CFAP58: variants seen among roughly 807,000 people sequenced by gnomAD.
CFAP58 encodes the protein cilia and flagella associated protein 58.
CFAP58 carries 88 observed loss-of-function variants against 119.5 expected under a neutral mutation model. That is an observed-to-expected ratio of 0.74 (90% CI 0.62 to 0.88). The LOEUF (loss-of-function observed/expected upper bound fraction) is 0.88. Ranked by LOEUF, CFAP58 falls within the 40% of genes least tolerant of loss-of-function variation. The probability of loss-of-function intolerance (pLI) is 0.00; values close to 1 mark genes in which losing one functional copy is unlikely to be tolerated. For synonymous variants in CFAP58, 365 were observed against 366.3 expected (o/e 1.00, Z 0.04); for missense variants, 990 against 1,021.2 (o/e 0.97, Z 0.42).
chr10:104,454,590 G>T lies in CFAP58; in HGVS notation c.*60G>T. ...CATGAAATCTGCTCTGGGACATTTTGGGGGAATCTCAAAGTCCTTGGATCA... is the reference window on the plus strand; with the variant it reads ...CATGAAATCTGCTCTGGGACATTTTTGGGGAATCTCAAAGTCCTTGGATCA... On this transcript the variant is annotated 3_prime_UTR_variant, in exon 18 of 18. Transcript: ENST00000369704. 1.6e-6 allele frequency: 2 copies of T among 1,274,670 alleles called. No homozygotes were observed. The highest frequency in any genetic ancestry group is 2.3e-6 in the Non-Finnish European group (2 of 874,478). 79.0% of individuals were successfully genotyped at this position (1,274,670 alleles called of 1,614,324 possible).
intron 15 of CFAP58, among the ~76,000 whole-genome samples, chr10:104,426,923 C>G (rs1381764756): frequency 1.3e-5 from 2 of 152,040 alleles, no homozygotes; most frequent in Non-Finnish European, 2.9e-5. Flanking sequence ...TCACTTATTG[C>G]TTTGTTTACA....
At chr10:104,384,846 G>A (rs572860630) in intron 9 of CFAP58, among the ~76,000 whole-genome samples, 21 of 152,314 alleles carry the variant, frequency 1.4e-4, no homozygotes, top group African/African-American at 4.6e-4. Flanking sequence ...CAGGAAGTGG[G>A]AAAGGAGGAG....
At chr10:104,364,987 C>G in intron 4 of CFAP58, 98 bp downstream of exon 4, 1 of 1,233,082 alleles carries the variant, frequency 8.1e-7, no homozygotes, top group Non-Finnish European at 1.1e-6. Flanking sequence ...TCAAATTTAC[C>G]CCCTAGCGCC....
chr10:104,399,976 C>T (rs2012233198), intron 12 of CFAP58, among the ~76,000 whole-genome samples: 1 of 152,034 alleles, frequency 6.6e-6, no homozygotes, highest in African/African-American at 2.4e-5. Flanking sequence ...TTTAACTGCT[C>T]TGAGGGACCT....
chr10:104,426,686 T>C (rs1181046996), intron 15 of CFAP58, among the ~76,000 whole-genome samples: 1 of 152,226 alleles, frequency 6.6e-6, no homozygotes, highest in Non-Finnish European at 1.5e-5. Flanking sequence ...CTGATAGAGA[T>C]TGGCAGTTAT....
At chr10:104,420,616 G>C (rs985549215) in intron 15 of CFAP58, among the ~76,000 whole-genome samples, 3 of 151,968 alleles carry the variant, frequency 2.0e-5, no homozygotes, top group African/African-American at 7.2e-5. Flanking sequence ...TAACAAATGT[G>C]CTCATGTACT....
intron 15 of CFAP58, among the ~76,000 whole-genome samples, chr10:104,409,941 T>A (rs891681739): frequency 6.6e-6 from 1 of 152,298 alleles, no homozygotes; most frequent in Non-Finnish European, 1.5e-5. Flanking sequence ...TTTGTAATGC[T>A]CAAAAAAATT....
chr10:104,375,422 A>C (rs912231212), intron 7 of CFAP58, among the ~76,000 whole-genome samples: 1 of 152,208 alleles, frequency 6.6e-6, no homozygotes, highest in African/African-American at 2.4e-5. Flanking sequence ...AAACATTTAA[A>C]AACAGCAAGT....
intron 17 of CFAP58, among the ~76,000 whole-genome samples, chr10:104,452,574 T>C (rs1428817617): frequency 5.3e-5 from 8 of 152,326 alleles, no homozygotes; most frequent in Non-Finnish European, 1.5e-5. Context: ...TGTCCAGATA[T>C]TGGCTCAGCC....
rs527329182 is a variant in CFAP58 at position 104,439,888 on chromosome 10, C to T, written c.2257-7810C>T. On this transcript the variant is annotated intron_variant, in intron 15 of 17. Coordinates refer to ENST00000369704, the MANE Select transcript of CFAP58 (RefSeq NM_001008723.2). ...AGGCTGGAGTGCAGTGGCGCGATCT[C>T]GGCTCACTGCAAGCTCCGCCTTCCG... Among the ~76,000 whole-genome samples the T allele has an allele frequency of 6.6e-5, 10 of 152,226 alleles. No individual in the cohort carries two copies. In the South Asian group the frequency reaches 1.2e-3, roughly 19 times the overall value.
intron 15 of CFAP58, among the ~76,000 whole-genome samples, chr10:104,443,650 G>C (rs2013072837): frequency 6.6e-6 from 1 of 152,224 alleles, no homozygotes; most frequent in Admixed American, 6.5e-5. Flanking sequence ...ACTACCTTCT[G>C]TTTTCAGCTG....
chr10:104,439,434 T>G (rs1444209815), intron 15 of CFAP58, among the ~76,000 whole-genome samples: 1 of 152,222 alleles, frequency 6.6e-6, no homozygotes, highest in Non-Finnish European at 1.5e-5. Context: ...TGGTTATTTG[T>G]TCTAATAAGT....
chr10:104,358,043 A>G (rs1167654616), intron 1 of CFAP58, among the ~76,000 whole-genome samples: 1 of 149,742 alleles, frequency 6.7e-6, no homozygotes, highest in African/African-American at 2.5e-5. Context: ...ATGTACATAT[A>G]CACACATATA....
At chr10:104,406,051 C>T (rs1240123093) in intron 14 of CFAP58, among the ~76,000 whole-genome samples, 3 of 152,282 alleles carry the variant, frequency 2.0e-5, no homozygotes, top group South Asian at 4.1e-4. Context: ...GAGCCATGAT[C>T]GCACCACTGC....
chr10:104,383,378 T>C, intron 9 of CFAP58, among the ~76,000 whole-genome samples: 1 of 152,238 alleles, frequency 6.6e-6, no homozygotes, highest in East Asian at 1.9e-4. Flanking sequence ...TCTAGCATCC[T>C]GGCACATGAG....
At chr10:104,399,739 A>G (rs2012228950) in intron 12 of CFAP58, among the ~76,000 whole-genome samples, 1 of 152,126 alleles carries the variant, frequency 6.6e-6, no homozygotes, top group African/African-American at 2.4e-5. Flanking sequence ...CACCAAGACA[A>G]TAAGGTTCAT....
At chr10:104,411,718 T>C (rs557908671) in intron 15 of CFAP58, among the ~76,000 whole-genome samples, 2 of 152,274 alleles carry the variant, frequency 1.3e-5, no homozygotes, top group African/African-American at 4.8e-5. Context: ...CCTCAAACTC[T>C]TGTGACAGAA....
intron 15 of CFAP58, among the ~76,000 whole-genome samples, chr10:104,424,759 G>A (rs1158854514): frequency 6.6e-6 from 1 of 152,178 alleles, no homozygotes; most frequent in African/African-American, 2.4e-5. Flanking sequence ...GTCTGGGATG[G>A]TATATAATGA....
intron 9 of CFAP58, among the ~76,000 whole-genome samples, chr10:104,380,876 C>G (rs888927463): frequency 6.6e-6 from 1 of 152,028 alleles, no homozygotes; most frequent in Admixed American, 6.5e-5. Context: ...GAGCTGGGCA[C>G]GATGGCTCAC....
Sources: allele counts gnomAD v4.1 joint callset (sites outside exome capture counted in the v4.1 genomes callset), GRCh38; gene constraint gnomAD v4.1.1; transcripts MANE v1.5; gene names NCBI Gene and HGNC (gene_info 2026-07-23, HGNC 2026-07-21).